Variants in USP31 observed in about 807,000 individuals in gnomAD.
USP31 encodes ubiquitin specific peptidase 31.
Under a neutral mutation model 119.4 loss-of-function variants are expected in USP31, and 44 were observed. The ratio of observed to expected loss-of-function variants is 0.37; its 90% CI spans 0.29 to 0.47. The LOEUF is 0.47. Ranked by LOEUF, USP31 falls within the 20% of genes least tolerant of loss-of-function variation. The probability of loss-of-function intolerance (pLI) is 0.99; values close to 1 mark genes in which losing one functional copy is unlikely to be tolerated. For missense variants in USP31, 1,643 were observed against 1,730.2 expected (o/e 0.95, Z 0.89); for synonymous variants, 749 against 705.6 (o/e 1.06, Z -0.97).
At chr16:23,094,235 T>C (rs1901502027) in intron 6 of USP31, among the ~76,000 whole-genome samples, 1 of 152,192 alleles carries the variant, frequency 6.6e-6, no homozygotes, top group Admixed American at 6.5e-5. Context: ...CACGGAGTCT[T>C]GCTCACTGCT....
At chr16:23,124,132 GAAC>G (rs1902769658) in intron 1 of USP31, among the ~76,000 whole-genome samples, 2 of 152,142 alleles carry the variant, frequency 1.3e-5, no homozygotes, top group South Asian at 4.2e-4. Flanking sequence ...ATAAGAATTC[GAAC>G]AATATAGCAA....
intron 15 of USP31, among the ~76,000 whole-genome samples, chr16:23,071,257 T>C: frequency 6.6e-6 from 1 of 152,180 alleles, no homozygotes; most frequent in African/African-American, 2.4e-5. Context: ...CTCAGAATTA[T>C]CCATCACCAC....
In USP31 at chr16:23,108,038, G is replaced by A. The variant is rs757604401; in HGVS notation, c.771+8C>T. The A allele has an allele frequency of 3.0e-5, 48 of 1,610,750 alleles. No individual in the cohort carries two copies. The highest frequency in any genetic ancestry group is 2.0e-4 in the Admixed American group (12 of 59,546). On this transcript the variant is annotated splice_region_variant and intron_variant, in intron 2 of 15. Coordinates refer to ENST00000219689, the MANE Select transcript of USP31 (RefSeq NM_020718.4). ...GGCTGACTGCCCTAGGGCAGCATGC[G>A]TCCTTACCTTCAGAGGAGGCTGGCC...
intron 15 of USP31, 98 bp downstream of exon 15, chr16:23,071,947 C>A: frequency 6.7e-7 from 1 of 1,491,594 alleles, no homozygotes; most frequent in Non-Finnish European, 9.0e-7. Context: ...GGTTCTCCTA[C>A]CATCTCCTTG....
At chr16:23,112,705 G>C (rs1367828080) in intron 1 of USP31, among the ~76,000 whole-genome samples, 2 of 152,006 alleles carry the variant, frequency 1.3e-5, no homozygotes, top group Non-Finnish European at 2.9e-5. Flanking sequence ...GGAAGAATGT[G>C]ACCTACAGAA....
chr16:23,136,586 G>A (rs529881073), intron 1 of USP31, among the ~76,000 whole-genome samples: 9 of 151,634 alleles, frequency 5.9e-5, no homozygotes, highest in Non-Finnish European at 7.4e-5. Context: ...CCCAGGAGCC[G>A]GAGGCTGCAG....
intron 6 of USP31, among the ~76,000 whole-genome samples, chr16:23,100,143 G>A (rs1346233636): frequency 6.6e-6 from 1 of 152,102 alleles, no homozygotes; most frequent in Non-Finnish European, 1.5e-5. Context: ...TAAACATAAA[G>A]TTACCACACA....
In USP31 at chr16:23,073,816, C is replaced by T. The variant is rs1163303228; in HGVS notation, c.2241G>A (p.Leu747=). The T allele has an allele frequency of 1.9e-6, 3 of 1,614,170 alleles. No homozygotes were observed. The highest frequency in any genetic ancestry group is 1.3e-5 in the African/African-American group (1 of 75,038). The part of the protein sequence containing the change: ...YCFDDSDVQQ[L]SEDEVCTQTA... Reference sequence around the variant, plus strand: ...TCTGCGTGCAGACCTCATCTTCTGACAGCTGCTGCACATCGCTGTCATCGA... The same window carrying T: ...TCTGCGTGCAGACCTCATCTTCTGATAGCTGCTGCACATCGCTGTCATCGA... The change falls in exon 14 of 16, where the codon CTG becomes CTA. Residue 747 remains leucine (L), a synonymous_variant. Coordinates refer to ENST00000219689, the MANE Select transcript of USP31 (RefSeq NM_020718.4).
At chr16:23,084,749 T>C (rs1377700031) in intron 11 of USP31, 111 bp downstream of exon 11, 2 of 1,446,018 alleles carry the variant, frequency 1.4e-6, no homozygotes, top group African/African-American at 2.8e-5. Flanking sequence ...CTTACATATA[T>C]GCAAAATCCT....
At chr16:23,079,914 A>G (rs756187466) in intron 13 of USP31, 32 bp downstream of exon 13, 1 of 1,554,564 alleles carries the variant, frequency 6.4e-7, no homozygotes, top group Non-Finnish European at 8.7e-7. Context: ...AGGACTCGCC[A>G]GCACAGACAC....
rs796999692 is a variant in USP31, at chr16:23,139,422, T to C, written c.633+9216A>G. 2.0e-4 allele frequency among the ~76,000 whole-genome samples: 30 copies of C among 152,216 alleles called. 1 individual carries two copies. The highest frequency in any genetic ancestry group is 6.7e-4 in the African/African-American group (28 of 41,518). On this transcript the variant is annotated intron_variant, in intron 1 of 15. Transcript: ENST00000219689. The stretch of plus-strand genomic sequence containing the variant: ...CAAGACTCTGTCTCGAAATAAAAAA[T>C]AAAGTAAAATAAACTGATATTTCTG...
At chr16:23,096,880 G>A (rs1901635789) in intron 6 of USP31, among the ~76,000 whole-genome samples, 1 of 152,096 alleles carries the variant, frequency 6.6e-6, no homozygotes, top group Admixed American at 6.5e-5. Context: ...ATGCCCACAG[G>A]AAAAAGCAGG....
intron 11 of USP31, among the ~76,000 whole-genome samples, 156 bp from the exon 12 acceptor site, chr16:23,082,713 G>C (rs1233098288): frequency 6.6e-6 from 1 of 152,068 alleles, no homozygotes; most frequent in Non-Finnish European, 1.5e-5. Flanking sequence ...AAAGTAGCCA[G>C]AGCTGGCACC....
At chr16:23,092,933 G>C (rs961258901) in intron 6 of USP31, among the ~76,000 whole-genome samples, 3 of 152,042 alleles carry the variant, frequency 2.0e-5, no homozygotes, top group Non-Finnish European at 2.9e-5. Context: ...CATTCAATGA[G>C]GACAGTACAA....
intron 7 of USP31, among the ~76,000 whole-genome samples, chr16:23,088,275 A>G (rs1456107513): frequency 1.3e-5 from 2 of 152,216 alleles, no homozygotes; most frequent in African/African-American, 2.4e-5. Flanking sequence ...AGCAAGTGAC[A>G]GTGAAAGTCA....
intron 1 of USP31, among the ~76,000 whole-genome samples, chr16:23,125,127 TG>T (rs1370446679): frequency 6.6e-6 from 1 of 152,132 alleles, no homozygotes; most frequent in East Asian, 1.9e-4. Context: ...GTTGGTTGGT[TG>T]TTCTTGCTAA....
intron 1 of USP31, among the ~76,000 whole-genome samples, chr16:23,132,416 C>T (rs1180909818): frequency 1.3e-5 from 2 of 149,826 alleles, no homozygotes; most frequent in Non-Finnish European, 3.0e-5. Context: ...ACTACACAAA[C>T]AGAGAACACT....
Position 23,108,029 on chromosome 16 carries a change from G to A in USP31, c.771+17C>T, listed in dbSNP as rs775500455. ...CTCATGGCTGGCTGACTGCCCTAGG[G>A]CAGCATGCGTCCTTACCTTCAGAGG... On this transcript the variant is annotated intron_variant, in intron 2 of 15. Transcript: ENST00000219689. The A allele has an allele frequency of 3.1e-6, 5 of 1,606,696 alleles. No homozygotes were observed. The East Asian group carries it at 1.1e-4, about 36-fold the overall frequency.
chr16:23,072,769 T>G (rs1900399251), intron 14 of USP31, among the ~76,000 whole-genome samples: 1 of 152,032 alleles, frequency 6.6e-6, no homozygotes. Context: ...TGAAACAGAG[T>G]ACATGAAGCA....
Sources: gnomAD v4.1 joint callset for allele counts (sites outside exome capture counted in the v4.1 genomes callset) on GRCh38, gnomAD v4.1.1 for gene constraint, MANE v1.5 for transcripts, NCBI Gene and HGNC (gene_info 2026-07-23, HGNC 2026-07-21) for gene names.